The following CCDC192 variants were observed in gnomAD, a reference collection of about 807,000 sequenced individuals.
CCDC192 encodes the protein coiled-coil domain-containing protein 192.
At chr5:127,745,221 G>A (rs2126849718) in intron 2 of CCDC192, among the ~76,000 whole-genome samples, 1 of 152,254 alleles carries the variant, frequency 6.6e-6, no homozygotes, top group African/African-American at 2.4e-5. Flanking sequence ...ATCCTTAAGG[G>A]TCAAAGAGTT....
At chr5:127,852,316 A>T (rs1750834898) in intron 5 of CCDC192, among the ~76,000 whole-genome samples, 1 of 152,162 alleles carries the variant, frequency 6.6e-6, no homozygotes, top group Non-Finnish European at 1.5e-5. Flanking sequence ...ATGTTTGATT[A>T]TTACCTTGTT....
intron 2 of CCDC192, among the ~76,000 whole-genome samples, chr5:127,719,867 G>A (rs1751918382): frequency 6.7e-6 from 1 of 149,774 alleles, no homozygotes; most frequent in South Asian, 2.1e-4. Flanking sequence ...TAAACCACCA[G>A]ATCTCATGAG....
At chr5:127,769,084 T>C (rs1233298089) in intron 3 of CCDC192, among the ~76,000 whole-genome samples, 3 of 152,248 alleles carry the variant, frequency 2.0e-5, no homozygotes, top group South Asian at 2.1e-4. Flanking sequence ...AGAACTATTC[T>C]GCAATATTAA....
Position 127,819,539 on chromosome 5 carries a change from A to G in CCDC192, c.411+21377A>G, listed in dbSNP as rs1749189094. Among the ~76,000 whole-genome samples, 4 of 152,170 alleles carry G rather than the reference A, an allele frequency of 2.6e-5. No individual in the cohort carries two copies. The South Asian group carries it at 8.3e-4, about 32-fold the overall frequency. On this transcript the variant is annotated intron_variant, in intron 5 of 6. Coordinates refer to ENST00000514853, the MANE Select transcript of CCDC192 (RefSeq NM_001317938.2). ...TTTTTGAGTCTGGGTGGTCACTTCC[A>G]TCATGTGACTTTAAAGACCTAAAAT...
At chr5:127,814,078 A>T (rs1758226489) in intron 5 of CCDC192, among the ~76,000 whole-genome samples, 1 of 152,168 alleles carries the variant, frequency 6.6e-6, no homozygotes, top group Non-Finnish European at 1.5e-5. Flanking sequence ...TCACAGAAGA[A>T]CTGGTTTAGA....
At chr5:127,934,579 A>G (rs1754137423) in intron 6 of CCDC192, among the ~76,000 whole-genome samples, 1 of 152,208 alleles carries the variant, frequency 6.6e-6, no homozygotes, top group Non-Finnish European at 1.5e-5. Flanking sequence ...AAAACATTAA[A>G]AGGGGAGGAC....
intron 3 of CCDC192, among the ~76,000 whole-genome samples, chr5:127,759,923 G>A (rs957877152): frequency 1.3e-5 from 2 of 152,018 alleles, no homozygotes; most frequent in African/African-American, 4.8e-5. Flanking sequence ...TGGAGCTTCT[G>A]TCTGTTTCTG....
rs554354223 is a variant in CCDC192, at chr5:127,840,329, C to T, written c.412-35209C>T. On this transcript the variant is annotated intron_variant, in intron 5 of 6. Transcript: ENST00000514853. ...TTGAGGTTGGCTTAAGTTTTATAAT[C>T]GTCAAATTATCTCTGTATCCCTAAT... 9.2e-5 allele frequency among the ~76,000 whole-genome samples: 14 copies of T among 152,276 alleles called. No homozygotes were observed. In the South Asian group the frequency reaches 1.9e-3, roughly 20 times the overall value.
chr5:127,754,132 A>T (rs181346472), intron 2 of CCDC192, 136 bp from the exon 3 acceptor site: 39 of 389,414 alleles, frequency 1.0e-4, no homozygotes, highest in Admixed American at 5.3e-4. Flanking sequence ...TGTTAAGAAA[A>T]GGGGAGGATT....
At chr5:127,809,431 T>C (rs1357013527) in intron 5 of CCDC192, among the ~76,000 whole-genome samples, 1 of 152,030 alleles carries the variant, frequency 6.6e-6, no homozygotes, top group Admixed American at 6.6e-5. Context: ...AATAAATAAT[T>C]AGTGTGTTGG....
chr5:127,845,196 C>A (rs17211662), intron 5 of CCDC192, among the ~76,000 whole-genome samples: 2,403 of 152,296 alleles, frequency 0.016, 28 homozygotes, highest in Non-Finnish European at 0.024. Context: ...AAGCCATGTT[C>A]TTGCCTCCAT....
chr5:127,919,930 C>G (rs964949484), intron 6 of CCDC192, among the ~76,000 whole-genome samples: 2 of 152,190 alleles, frequency 1.3e-5, no homozygotes, highest in Admixed American at 6.5e-5. Context: ...AAAGGATTGC[C>G]CATTGGCTAG....
At position 127,904,100 on chromosome 5, in the gene CCDC192, T is replaced by G. The variant is rs962533562; in HGVS notation, c.535+28439T>G. On this transcript the variant is annotated intron_variant, in intron 6 of 6. Coordinates refer to ENST00000514853, the MANE Select transcript of CCDC192 (RefSeq NM_001317938.2). ...TTTCCTGCCTGTGATCAGAGAGAGA[T>G]GTGATAGATTATGAAGGGCCAGAGA... Among the ~76,000 whole-genome samples, 4 of 152,034 alleles carry G rather than the reference T, an allele frequency of 2.6e-5. No homozygotes were observed. In the South Asian group the frequency reaches 6.2e-4, roughly 24 times the overall value.
At chr5:127,797,760 TATA>T (rs1561494131) in intron 4 of CCDC192, among the ~76,000 whole-genome samples, 4 of 25,496 alleles carry the variant, frequency 1.6e-4, no homozygotes, top group African/African-American at 3.1e-4. Context: ...TATATATATA[TATA>T]TATATATATA....
chr5:127,862,394 A>G (rs1360993223), intron 5 of CCDC192, among the ~76,000 whole-genome samples: 1 of 152,224 alleles, frequency 6.6e-6, no homozygotes, highest in African/African-American at 2.4e-5. Context: ...ACACATGCCC[A>G]CAAGGACTCT....
chr5:127,921,204 AAAGAG>A (rs1422519680), intron 6 of CCDC192, among the ~76,000 whole-genome samples: 1 of 151,468 alleles, frequency 6.6e-6, no homozygotes, highest in Non-Finnish European at 1.5e-5. Context: ...AGAGAGAAAG[AAAGAG>A]AGTAGTGGAG....
At chr5:127,828,578 G>A (rs1749643144) in intron 5 of CCDC192, among the ~76,000 whole-genome samples, 1 of 152,184 alleles carries the variant, frequency 6.6e-6, no homozygotes, top group African/African-American at 2.4e-5. Flanking sequence ...ACCAGTGGAG[G>A]ACATCATTAA....
intron 5 of CCDC192, among the ~76,000 whole-genome samples, chr5:127,872,618 A>C (rs1206794596): frequency 6.6e-6 from 1 of 152,136 alleles, no homozygotes; most frequent in African/African-American, 2.4e-5. Flanking sequence ...CCAGAGCAGG[A>C]GGTCTTTGCC....
intron 6 of CCDC192, among the ~76,000 whole-genome samples, chr5:127,887,525 A>T (rs1212713610): frequency 1.3e-5 from 2 of 152,028 alleles, no homozygotes; most frequent in African/African-American, 4.8e-5. Context: ...AACAATTTTG[A>T]TGGCTCTTCA....
Sources: allele counts gnomAD v4.1 joint callset (sites outside exome capture counted in the v4.1 genomes callset), GRCh38; gene constraint gnomAD v4.1.1; transcripts MANE v1.5; gene names NCBI Gene and HGNC (gene_info 2026-07-23, HGNC 2026-07-21).